ACTR2: variants seen among roughly 807,000 people sequenced by gnomAD.
ACTR2 encodes the protein actin related protein 2, also known as actin-related protein 2.
Under a neutral mutation model 50.2 loss-of-function variants are expected in ACTR2, and 5 were observed. That is an observed-to-expected ratio of 0.10 (90% CI 0.05 to 0.21). ACTR2 has a LOEUF of 0.21. Ranked by LOEUF, ACTR2 falls within the 10% of genes least tolerant of loss-of-function variation. The pLI, the probability that ACTR2 is intolerant of heterozygous loss-of-function variation, is 1.00. For synonymous variants in ACTR2, 140 were observed against 162.9 expected, an observed-to-expected ratio of 0.86 and a Z score of 1.07; for missense variants, 180 against 480.6, an observed-to-expected ratio of 0.37 and a Z score of 5.85.
At chr2:65,241,747 T>G (rs1422729324) in intron 2 of ACTR2, among the ~76,000 whole-genome samples, 1 of 152,228 alleles carries the variant, frequency 6.6e-6, no homozygotes, top group African/African-American at 2.4e-5. Context: ...AGCTTACTTT[T>G]TGGAATTCCT....
chr2:65,230,148 A>G, intron 1 of ACTR2, among the ~76,000 whole-genome samples: 1 of 152,224 alleles, frequency 6.6e-6, no homozygotes, highest in East Asian at 1.9e-4. Flanking sequence ...GCTAAAATTC[A>G]GTTAAATGTG....
intron 6 of ACTR2, 103 bp from the exon 7 acceptor site, chr2:65,261,144 T>C: frequency 8.9e-7 from 1 of 1,118,834 alleles, no homozygotes; most frequent in South Asian, 1.6e-5. Flanking sequence ...TTGGTAATGA[T>C]TTTGGTTACA....
At chr2:65,267,926 T>C (rs1672410858) in intron 8 of ACTR2, among the ~76,000 whole-genome samples, 1 of 119,052 alleles carries the variant, frequency 8.4e-6, no homozygotes, top group Non-Finnish European at 1.6e-5. Flanking sequence ...AAGCTCCACC[T>C]CCCAGGTTTA....
chr2:65,245,999 A>ATATG (rs10679018), intron 2 of ACTR2, among the ~76,000 whole-genome samples: 1 of 151,824 alleles, frequency 6.6e-6, no homozygotes, highest in Non-Finnish European at 1.5e-5. Flanking sequence ...TGTGCTATTT[A>ATATG]TTAGTTGGTG....
chr2:65,233,665 G>A (rs373808987), intron 1 of ACTR2, among the ~76,000 whole-genome samples: 2 of 151,632 alleles, frequency 1.3e-5, no homozygotes, highest in Non-Finnish European at 2.9e-5. Flanking sequence ...AGGCTGGAGT[G>A]TATTCATGTT....
Position 65,270,681 on chromosome 2 carries a change from A to G in ACTR2, c.*1947A>G, listed in dbSNP as rs1672477756. The G allele has an allele frequency of 6.6e-6, 1 of 152,214 alleles. No homozygotes were observed. The highest frequency in any genetic ancestry group is 2.1e-4 in the South Asian group (1 of 4,836). 9.4% of individuals were successfully genotyped at this position (152,214 alleles called of 1,614,324 possible). On this transcript the variant is annotated 3_prime_UTR_variant, in exon 9 of 9. Coordinates refer to ENST00000260641, the MANE Select transcript of ACTR2 (RefSeq NM_005722.4). ...AATGGAATGGACTCTTAAAACAATG[A>G]AAGAGCATTTATCGTTTGTCCCTTG...
chr2:65,250,996 C>T (rs1271290772), intron 3 of ACTR2, 31 bp from the exon 4 acceptor site: 1 of 1,468,506 alleles, frequency 6.8e-7, no homozygotes, highest in Non-Finnish European at 9.4e-7. Flanking sequence ...TTTCTAAATA[C>T]CAGTTTTTTT....
intron 8 of ACTR2, 37 bp from the exon 9 acceptor site, chr2:65,268,527 A>G (rs1672428516): frequency 6.3e-7 from 1 of 1,589,260 alleles, no homozygotes; most frequent in Non-Finnish European, 8.6e-7. Context: ...AGCACTGTGC[A>G]CATGTACCAT....
At chr2:65,255,383 T>C (rs1021779683) in intron 5 of ACTR2, among the ~76,000 whole-genome samples, 162 bp from the exon 6 acceptor site, 5 of 152,188 alleles carry the variant, frequency 3.3e-5, no homozygotes, top group Non-Finnish European at 7.4e-5. Context: ...ATATAAATCC[T>C]TTTATGGCGG....
intron 5 of ACTR2, among the ~76,000 whole-genome samples, chr2:65,254,516 A>C (rs1672111273): frequency 2.0e-5 from 3 of 152,220 alleles, no homozygotes; most frequent in African/African-American, 4.8e-5. Flanking sequence ...TATTAAAATA[A>C]AATTTAGAAA....
chr2:65,269,049 A>G lies in ACTR2; in HGVS notation c.*315A>G. The G allele has an allele frequency of 4.5e-6, 1 of 223,476 alleles. No individual in the cohort carries two copies. The allele number at this position is 223,476 out of a possible 1,614,324, so 13.8% of individuals were successfully genotyped here. On this transcript the variant is annotated 3_prime_UTR_variant, in exon 9 of 9. Coordinates refer to ENST00000260641, the MANE Select transcript of ACTR2 (RefSeq NM_005722.4). ...TTCACTTTACTGCTCTAATGCTGCT[A>G]GTCGTAGTCTTTAGCACACTAGGTG...
chr2:65,234,165 G>A (rs768681409), intron 1 of ACTR2, among the ~76,000 whole-genome samples: 47 of 152,220 alleles, frequency 3.1e-4, no homozygotes, highest in Non-Finnish European at 6.0e-4. Flanking sequence ...ACCCACTTTG[G>A]CTTCCTACAG....
At chr2:65,233,280 C>T (rs539016193) in intron 1 of ACTR2, among the ~76,000 whole-genome samples, 3 of 152,046 alleles carry the variant, frequency 2.0e-5, no homozygotes, top group African/African-American at 7.2e-5. Context: ...TAGGCGTGAG[C>T]ACTGCGCCCA....
chr2:65,239,154 C>G (rs542374331), intron 1 of ACTR2, among the ~76,000 whole-genome samples: 4 of 152,138 alleles, frequency 2.6e-5, no homozygotes, highest in East Asian at 1.9e-4. Context: ...ATTTCTCTTT[C>G]TAAAAATACT....
chr2:65,260,593 G>A (rs965701500), intron 6 of ACTR2, among the ~76,000 whole-genome samples: 2 of 152,172 alleles, frequency 1.3e-5, no homozygotes, highest in African/African-American at 4.8e-5. Flanking sequence ...TTATAAAACT[G>A]TAGTAACACA....
At position 65,246,554 on chromosome 2, in the gene ACTR2, T is replaced by C. The variant is rs780005948; in HGVS notation, c.190T>C (p.Leu64=). The C allele has an allele frequency of 2.5e-6, 4 of 1,610,326 alleles. No individual in the cohort carries two copies. The Admixed American group carries it at 6.8e-5, about 27-fold the overall frequency. The change falls in exon 3 of 9, where the codon TTA becomes CTA. Residue 64 remains leucine, a synonymous_variant. Transcript: ENST00000260641. ...DLMVGDEASE[L]RSMLEVNYPM... is the part of the protein sequence containing the mutation. ...TATGGTTGGTGATGAGGCAAGTGAATTACGATCAATGTTAGAAGTTAACTA... is the reference window on the plus strand; with the variant it reads ...TATGGTTGGTGATGAGGCAAGTGAACTACGATCAATGTTAGAAGTTAACTA...
chr2:65,248,381 CAG>C (rs1458351690), intron 3 of ACTR2, among the ~76,000 whole-genome samples: 1 of 151,966 alleles, frequency 6.6e-6, no homozygotes, highest in African/African-American at 2.4e-5. Context: ...GCCTGGGCGA[CAG>C]GGTGAGACTC....
At chr2:65,248,411 A>G (rs893272680) in intron 3 of ACTR2, among the ~76,000 whole-genome samples, 10 of 151,984 alleles carry the variant, frequency 6.6e-5, no homozygotes, top group African/African-American at 2.2e-4. Context: ...AAAAGAAAAA[A>G]AGGGAATTGG....
At chr2:65,238,434 C>G (rs1671778966) in intron 1 of ACTR2, among the ~76,000 whole-genome samples, 2 of 151,266 alleles carry the variant, frequency 1.3e-5, no homozygotes, top group South Asian at 4.2e-4. Flanking sequence ...CTGAGGCGGG[C>G]AGATCACGAG....
Sources: allele counts gnomAD v4.1 joint callset (sites outside exome capture counted in the v4.1 genomes callset), GRCh38; gene constraint gnomAD v4.1.1; transcripts MANE v1.5; gene names NCBI Gene and HGNC (gene_info 2026-07-23, HGNC 2026-07-21).